CD6: variants seen among roughly 807,000 people sequenced by gnomAD.
CD6 encodes the protein T-cell differentiation antigen CD6.
Under a neutral mutation model 75.3 loss-of-function variants are expected in CD6, and 53 were observed. The ratio of observed to expected loss-of-function variants is 0.70; its 90% CI spans 0.56 to 0.88. CD6 has a LOEUF of 0.88. CD6 is among the 40% of genes least tolerant of loss of function. CD6 has a pLI of 0.00. For missense variants in CD6, 770 were observed against 897.1 expected, an observed-to-expected ratio of 0.86 and a Z score of 1.81; for synonymous variants, 359 against 381.5, an observed-to-expected ratio of 0.94 and a Z score of 0.69.
At chr11:60,973,953 C>G (rs1039979240) in intron 1 of CD6, among the ~76,000 whole-genome samples, 1 of 152,150 alleles carries the variant, frequency 6.6e-6, no homozygotes, top group Non-Finnish European at 1.5e-5. Context: ...CACTCCAGGC[C>G]TCCCTGAGCT....
rs183951806 is a variant in CD6, at chr11:60,986,675, C to T, written c.49+14761C>T. Among the ~76,000 whole-genome samples, 34 of 152,276 alleles carry T rather than the reference C, an allele frequency of 2.2e-4. No homozygotes were observed. The East Asian group carries it at 5.4e-3, about 24-fold the overall frequency. ...AAGAGGGACACATCTCTCCCTCTTA[C>T]GGGTTCCTTCCCCCGCTCTCAACGC... On this transcript the variant is annotated intron_variant, in intron 1 of 12. Transcript: ENST00000313421.
At chr11:61,013,116 A>G (rs1859225886) in intron 6 of CD6, among the ~76,000 whole-genome samples, 1 of 152,210 alleles carries the variant, frequency 6.6e-6, no homozygotes, top group African/African-American at 2.4e-5. Flanking sequence ...CGGGTACTCA[A>G]TAGTTGTCTA....
rs1858904159 is a variant in CD6, at chr11:61,007,233, CCTTT to C, written c.119-321_119-318del. 6.6e-6 allele frequency among the ~76,000 whole-genome samples: 1 copy of C among 152,134 alleles called. No individual in the cohort carries two copies. Among genetic ancestry groups the C allele is most frequent in the Non-Finnish European group, 1.5e-5 (1 of 68,010 alleles). On this transcript the variant is annotated intron_variant, in intron 2 of 12. Transcript: ENST00000313421. The surrounding 1 kb of genome is among the most constrained non-coding windows in gnomAD (Gnocchi z 4.2). Reference sequence around the variant, plus strand: ...CAGGGCCCCTGAACTCACAACTCTGCCTTTCTTTCACAAACGGGTGCCCCTGGAG... The same window carrying C: ...CAGGGCCCCTGAACTCACAACTCTGCCTTTCACAAACGGGTGCCCCTGGAG...
intron 5 of CD6, 33 bp from the exon 6 acceptor site, chr11:61,011,037 T>A (rs1565158950): frequency 6.3e-7 from 1 of 1,594,078 alleles, no homozygotes; most frequent in Non-Finnish European, 8.6e-7. Flanking sequence ...CTCAGTAACA[T>A]GCATTGAGTG....
Position 61,003,664 on chromosome 11 carries a change from G to T in CD6, c.50-2910G>T, listed in dbSNP as rs561083314. 8.5e-5 allele frequency among the ~76,000 whole-genome samples: 13 copies of T among 152,332 alleles called. No homozygotes were observed. In the South Asian group the frequency reaches 2.7e-3, roughly 32 times the overall value. ...CACGAGAATCGCTTGAACCCAGGAG[G>T]TGGAGGTTGCAGTGAGCCGAGATTG... On this transcript the variant is annotated intron_variant, in intron 1 of 12. Coordinates refer to ENST00000313421, the MANE Select transcript of CD6 (RefSeq NM_006725.5).
chr11:61,005,860 G>C (rs1308013726), intron 1 of CD6, among the ~76,000 whole-genome samples: 1 of 152,026 alleles, frequency 6.6e-6, no homozygotes, highest in African/African-American at 2.4e-5. Flanking sequence ...GAATCTGGGA[G>C]GTGGAGGTTG....
chr11:61,018,618 G>A (rs1032049744), intron 12 of CD6: 19 of 528,666 alleles, frequency 3.6e-5, no homozygotes, highest in Middle Eastern at 5.0e-4. Flanking sequence ...AGGAATTTAC[G>A]ACTAGCCCCG....
rs1333388084 is a variant in CD6, at chr11:61,017,760, A to C, written c.1584A>C (p.Gly528=). The C allele has an allele frequency of 6.2e-7, 1 of 1,613,750 alleles. No individual in the cohort carries two copies. Among genetic ancestry groups the C allele is most frequent in the Non-Finnish European group, 8.5e-7 (1 of 1,179,990 alleles). ...SRFQMPPLEE[G]LEELHASHIP... is the part of the protein sequence containing the mutation. ...ACCATTCTCCCTTTCCTGCCTTAGG[A>C]CTTGAAGAGTTGCATGCCTCCCACA... is the stretch of plus-strand genomic sequence containing the variant. Residue 528 remains glycine, a splice_region_variant and synonymous_variant, in exon 11 of 13, where the codon GGA becomes GGC. Transcript: ENST00000313421.
At chr11:60,980,253 A>G (rs2905505) in intron 1 of CD6, among the ~76,000 whole-genome samples, 150,750 of 152,302 alleles carry the variant, frequency 0.99, 74,621 homozygotes, top group South Asian at 1. Context: ...CTTTCTGGTG[A>G]CTCACACCTG....
At position 60,978,676 on chromosome 11, in the gene CD6, C is replaced by T. The variant is rs570785867; in HGVS notation, c.49+6762C>T. Among the ~76,000 whole-genome samples the T allele has an allele frequency of 1.3e-4, 20 of 152,250 alleles. 1 individual carries two copies. The South Asian group carries it at 3.9e-3, about 30-fold the overall frequency. On this transcript the variant is annotated intron_variant, in intron 1 of 12. Transcript: ENST00000313421. ...TGGCTGTACGCAGCAGAGACCCAGC[C>T]ACTAGACACTTAGCCCTAGGAAGGG...
At chr11:61,002,283 T>A (rs1181198917) in intron 1 of CD6, among the ~76,000 whole-genome samples, 1 of 152,196 alleles carries the variant, frequency 6.6e-6, no homozygotes, top group Non-Finnish European at 1.5e-5. Context: ...CTGGGTGCGG[T>A]GGCTCACACC....
chr11:60,991,999 C>T (rs1328208284), intron 1 of CD6, among the ~76,000 whole-genome samples: 1 of 151,894 alleles, frequency 6.6e-6, no homozygotes, highest in Non-Finnish European at 1.5e-5. Context: ...CCAACCTCAG[C>T]CTCTCGACTA....
At position 61,007,832 on chromosome 11, in the gene CD6, G is replaced by C; in HGVS notation, c.391G>C (p.Gly131Arg). 7.0e-7 allele frequency: 1 copy of C among 1,432,618 alleles called. No homozygotes were observed. Among genetic ancestry groups the C allele is most frequent in the Non-Finnish European group, 9.1e-7 (1 of 1,098,796 alleles). The allele number at this position is 1,432,618 out of a possible 1,614,324, so 88.7% of individuals were successfully genotyped here. Residue 131 changes from glycine to arginine, a missense_variant, in exon 3 of 13, where the codon GGC (glycine) becomes CGC (arginine). By Grantham distance (125) the Gly-to-Arg change is moderately radical. Coordinates refer to ENST00000313421, the MANE Select transcript of CD6 (RefSeq NM_006725.5). The surrounding 1 kb of genome is among the most constrained non-coding windows in gnomAD (Gnocchi z 4.2). The part of the protein sequence containing the change: ...LAGAPALLCS[G>R]AEWRLCEVVE... ...CGGGGCGCCCGCCCTCCTGTGCAGC[G>C]GCGCCGAGTGGCGGCTCTGCGAGGT...
At position 61,019,338 on chromosome 11, in the gene CD6, C is replaced by A. The variant is rs375721208; in HGVS notation, c.*20C>A. 1.9e-6 allele frequency: 3 copies of A among 1,599,404 alleles called. No individual in the cohort carries two copies. The highest frequency in any genetic ancestry group is 2.6e-6 in the Non-Finnish European group (3 of 1,175,632). The stretch of plus-strand genomic sequence containing the variant: ...GCCTAGGCCGGGGCCAGCCGAGGCT[C>A]CTGGGGTGGCTCTGACCCTCTGGCC... On this transcript the variant is annotated 3_prime_UTR_variant, in exon 13 of 13. Transcript: ENST00000313421.
At position 60,999,706 on chromosome 11, in the gene CD6, A is replaced by AT. The variant is rs1041529050; in HGVS notation, c.50-6859dup. On this transcript the variant is annotated intron_variant, in intron 1 of 12. Coordinates refer to ENST00000313421, the MANE Select transcript of CD6 (RefSeq NM_006725.5). ...GACAATCCAGTTGTCTCCGGTTTGA[A>AT]TTTTTTTTTGGTGGGTTTTTATTTG... Among the ~76,000 whole-genome samples the AT allele has an allele frequency of 1.8e-4, 27 of 151,296 alleles. No homozygotes were observed. The East Asian group carries it at 2.7e-3, about 15-fold the overall frequency.
intron 8 of CD6, among the ~76,000 whole-genome samples, chr11:61,014,649 C>G (rs1859316463): frequency 6.6e-6 from 1 of 151,544 alleles, no homozygotes; most frequent in African/African-American, 2.4e-5. Context: ...GCAGGAGAAT[C>G]GCTTGAACCT....
In CD6 at chr11:61,007,612, G is replaced by T. The variant is rs1858924159; in HGVS notation, c.171G>T (p.Thr57=). The change falls in exon 3 of 13, where the codon ACG becomes ACT. Residue 57 remains threonine, a synonymous_variant. Coordinates refer to ENST00000313421, the MANE Select transcript of CD6 (RefSeq NM_006725.5). This position sits in a 1 kb window ranked among gnomAD's most constrained non-coding sequence, Gnocchi z 4.2. ...LTNGSSSCSG[T]VEVRLEASWE... ...ACGGGAGCAGCAGCTGCAGCGGGAC[G>T]GTGGAGGTGCGGCTCGAGGCGTCCT... 2 of 1,500,050 alleles carry T rather than the reference G, an allele frequency of 1.3e-6. No homozygotes were observed. Among genetic ancestry groups the T allele is most frequent in the African/African-American group, 1.5e-5 (1 of 68,662 alleles). The allele number at this position is 1,500,050 out of a possible 1,614,324, so 92.9% of individuals were successfully genotyped here.
chr11:60,999,085 G>A (rs1590699476), intron 1 of CD6, among the ~76,000 whole-genome samples: 1 of 152,210 alleles, frequency 6.6e-6, no homozygotes, highest in African/African-American at 2.4e-5. Context: ...TTGAACTCGG[G>A]AGGCGGAGGT....
At position 60,976,690 on chromosome 11, in the gene CD6, A is replaced by G. The variant is rs75962280; in HGVS notation, c.49+4776A>G. On this transcript the variant is annotated intron_variant, in intron 1 of 12. Coordinates refer to ENST00000313421, the MANE Select transcript of CD6 (RefSeq NM_006725.5). ...GGTCGGTGTTTTTGTTGTTTTGCCA[A>G]AACATAAGATATGGTTCCCCTGTGT... is the stretch of plus-strand genomic sequence containing the variant. 1.1e-3 allele frequency among the ~76,000 whole-genome samples: 160 copies of G among 152,310 alleles called. 3 individuals are homozygous for G. The highest frequency in any genetic ancestry group is 3.7e-3 in the African/African-American group (154 of 41,550).
Sources: gnomAD v4.1 joint callset for allele counts (sites outside exome capture counted in the v4.1 genomes callset) on GRCh38, gnomAD v4.1.1 for gene constraint, Gnocchi (gnomAD v3.1) non-coding constraint, MANE v1.5 for transcripts, NCBI Gene and HGNC (gene_info 2026-07-23, HGNC 2026-07-21) for gene names.